EYS: variants seen among roughly 807,000 people sequenced by gnomAD.
EYS encodes the protein EGF-like photoreceptor maintenance factor, also known as protein eyes shut homolog.
Under a neutral mutation model 282.1 loss-of-function variants are expected in EYS, and 250 were observed. The ratio of observed to expected loss-of-function variants is 0.89; its 90% confidence interval spans 0.80 to 0.98. The LOEUF (loss-of-function observed/expected upper bound fraction) is 0.98, where lower values mean the gene tolerates loss of function less well. Among genes scored for constraint, EYS ranks in the 50% least tolerant of loss-of-function variants. EYS has a pLI of 0.00. For synonymous variants in EYS, 1,355 were observed against 1,282.9 expected (o/e 1.06, Z -1.20); for missense variants, 4,016 against 3,709.0 (o/e 1.08, Z -2.15).
chr6:64,883,376 T>C (rs1766983832), intron 19 of EYS, among the ~76,000 whole-genome samples: 1 of 151,482 alleles, frequency 6.6e-6, no homozygotes, highest in African/African-American at 2.4e-5. Context: ...CATGGCATTA[T>C]TATCAAAGTT....
At chr6:64,628,546 A>G (rs1223294000) in intron 22 of EYS, among the ~76,000 whole-genome samples, 2 of 152,120 alleles carry the variant, frequency 1.3e-5, no homozygotes, top group Non-Finnish European at 2.9e-5. Context: ...ATAGGACTAC[A>G]GGTGGTGTGC....
At chr6:64,361,139 A>G (rs969666777) in intron 29 of EYS, among the ~76,000 whole-genome samples, 1 of 151,716 alleles carries the variant, frequency 6.6e-6, no homozygotes, top group African/African-American at 2.4e-5. Flanking sequence ...TGATTATCAC[A>G]TCACTGTGCT....
chr6:65,401,074 T>C (rs1268303700), intron 7 of EYS, among the ~76,000 whole-genome samples: 2 of 151,972 alleles, frequency 1.3e-5, no homozygotes, highest in Non-Finnish European at 2.9e-5. Context: ...CAACCATTTG[T>C]ACTTTAGCTC....
intron 31 of EYS, among the ~76,000 whole-genome samples, chr6:64,155,978 T>TTATA (rs530098992): frequency 6.7e-6 from 1 of 149,872 alleles, no homozygotes; most frequent in Non-Finnish European, 1.5e-5. Flanking sequence ...AACATATCAT[T>TTATA]TATATATATA....
At chr6:64,736,986 A>G (rs1259912231) in intron 22 of EYS, among the ~76,000 whole-genome samples, 1 of 152,188 alleles carries the variant, frequency 6.6e-6, no homozygotes, top group Non-Finnish European at 1.5e-5. Context: ...TTCATTGTGT[A>G]TTTTCATTTT....
At chr6:65,096,897 T>C (rs1301369073) in intron 12 of EYS, among the ~76,000 whole-genome samples, 2 of 150,996 alleles carry the variant, frequency 1.3e-5, no homozygotes, top group East Asian at 1.9e-4. Flanking sequence ...TTAAAACTCT[T>C]AGAAAAAAAT....
intron 1 of EYS, among the ~76,000 whole-genome samples, chr6:65,694,170 A>T (rs1367360507): frequency 6.7e-6 from 1 of 150,276 alleles, no homozygotes; most frequent in African/African-American, 2.4e-5. Flanking sequence ...AGGCAGGAGA[A>T]TTGCTTGAAC....
At position 65,697,401 on chromosome 6, in the gene EYS, T is replaced by C. The variant is rs143878995; in HGVS notation, c.-448+9734A>G. ...GTCCACATGATCATCAAGGCTTGAG[T>C]GACCATTTGAGGTTTCATCTTGCAT... On this transcript the variant is annotated intron_variant, in intron 1 of 42. Transcript: ENST00000503581. Among the ~76,000 whole-genome samples the C allele has an allele frequency of 3.0e-3, 454 of 152,202 alleles. 3 individuals carry two copies. Among genetic ancestry groups the C allele is most frequent in the African/African-American group, 0.01 (435 of 41,572 alleles).
chr6:64,261,146 C>T (rs992056278), intron 30 of EYS, among the ~76,000 whole-genome samples: 1 of 151,896 alleles, frequency 6.6e-6, no homozygotes, highest in African/African-American at 2.4e-5. Context: ...TTTTTGTTCC[C>T]ATTAAGCATT....
At chr6:65,237,790 AT>A in intron 12 of EYS, among the ~76,000 whole-genome samples, 1 of 152,256 alleles carries the variant, frequency 6.6e-6, no homozygotes, top group African/African-American at 2.4e-5. Flanking sequence ...CAAATTCTTC[AT>A]TTTTTGAACT....
At chr6:64,331,147 C>G (rs115135530) in intron 29 of EYS, among the ~76,000 whole-genome samples, 2 of 152,124 alleles carry the variant, frequency 1.3e-5, no homozygotes, top group East Asian at 1.9e-4. Flanking sequence ...CTCACTAGAA[C>G]GTTGCTCTTG....
At chr6:65,309,912 C>T (rs1769109968) in intron 11 of EYS, among the ~76,000 whole-genome samples, 1 of 152,226 alleles carries the variant, frequency 6.6e-6, no homozygotes, top group East Asian at 1.9e-4. Flanking sequence ...CTCCAGTCTA[C>T]TTCTACTTTT....
intron 11 of EYS, chr6:65,331,346 G>T: frequency 1.4e-6 from 1 of 712,782 alleles, no homozygotes; most frequent in Non-Finnish European, 1.7e-6. Context: ...GGTATATAGA[G>T]GGTCTTTTTA....
intron 12 of EYS, among the ~76,000 whole-genome samples, chr6:65,292,031 CA>C (rs1768540973): frequency 6.6e-6 from 1 of 151,404 alleles, no homozygotes; most frequent in South Asian, 2.1e-4. Flanking sequence ...TAAGTGATAC[CA>C]ACAAAAAAAC....
intron 12 of EYS, among the ~76,000 whole-genome samples, chr6:65,146,239 C>T (rs1249398139): frequency 4.8e-5 from 7 of 145,696 alleles, no homozygotes; most frequent in Non-Finnish European, 7.8e-5. Flanking sequence ...TGTAAGAAAA[C>T]ATTTTTCCCC....
At chr6:63,922,301 G>A (rs1220212659) in intron 35 of EYS, among the ~76,000 whole-genome samples, 1 of 152,154 alleles carries the variant, frequency 6.6e-6, no homozygotes, top group African/African-American at 2.4e-5. Context: ...AGTGGCTCAC[G>A]CCTGTAATCC....
At position 64,563,398 on chromosome 6, in the gene EYS, C is replaced by T. The variant is rs566273934; in HGVS notation, c.5644+26825G>A. Among the ~76,000 whole-genome samples, 7 of 152,056 alleles carry T rather than the reference C, an allele frequency of 4.6e-5. No homozygotes were observed. The South Asian group carries it at 1.0e-3, about 23-fold the overall frequency. On this transcript the variant is annotated intron_variant, in intron 26 of 42. Transcript: ENST00000503581. ...ATCAGAGAGCCTTTTCAAACAAACA[C>T]GAGTATAATCATTAATAATTAAGCT...
chr6:64,987,660 C>A (rs1212653797), intron 14 of EYS, among the ~76,000 whole-genome samples: 2 of 151,338 alleles, frequency 1.3e-5, no homozygotes, highest in Non-Finnish European at 3.0e-5. Context: ...CCCCGTGTCT[C>A]CTTGTGAAAC....
chr6:64,944,834 G>T (rs1228967214), intron 15 of EYS, among the ~76,000 whole-genome samples: 1 of 152,112 alleles, frequency 6.6e-6, no homozygotes, highest in African/African-American at 2.4e-5. Context: ...CAGCAATGCT[G>T]CCTTGTTATT....
Sources: allele counts gnomAD v4.1 joint callset (sites outside exome capture counted in the v4.1 genomes callset), GRCh38; gene constraint gnomAD v4.1.1; transcripts MANE v1.5; gene names NCBI Gene and HGNC (gene_info 2026-07-23, HGNC 2026-07-21).